MED27: variants seen among roughly 807,000 people sequenced by gnomAD.
MED27 encodes the protein mediator complex subunit 27, also known as mediator of RNA polymerase II transcription subunit 27.
In MED27, 30 loss-of-function variants were observed where a neutral mutation model predicts 38.2. That is an observed-to-expected ratio of 0.79 (90% CI 0.59 to 1.07). The LOEUF is 1.07. MED27 is among the 50% of genes least tolerant of loss of function. The probability of loss-of-function intolerance (pLI) is 0.00; values close to 1 mark genes in which losing one functional copy is unlikely to be tolerated. For synonymous variants in MED27, 122 were observed against 153.5 expected, an observed-to-expected ratio of 0.79 and a Z score of 1.52; for missense variants, 289 against 397.5, an observed-to-expected ratio of 0.73 and a Z score of 2.32.
intron 3 of MED27, among the ~76,000 whole-genome samples, chr9:131,983,580 T>A (rs1330334256): frequency 6.6e-6 from 1 of 152,238 alleles, no homozygotes; most frequent in Non-Finnish European, 1.5e-5. Context: ...TCATTAACAA[T>A]GAATATTTTT....
chr9:131,884,053 C>T lies in MED27; in HGVS notation c.723+5G>A, dbSNP rs928696422. On this transcript the variant is annotated splice_donor_5th_base_variant and intron_variant, in intron 6 of 7. Transcript: ENST00000292035. ...CTTGAGTAAGAAGCAAAAAGTAAAA[C>T]TTACCTTCTGGAATACTTGATAGTT... 1.2e-6 allele frequency: 2 copies of T among 1,611,928 alleles called. No individual in the cohort carries two copies. Among genetic ancestry groups the T allele is most frequent in the Admixed American group, 1.7e-5 (1 of 59,852 alleles).
chr9:131,990,780 C>T (rs1831955544), intron 3 of MED27, among the ~76,000 whole-genome samples: 1 of 152,194 alleles, frequency 6.6e-6, no homozygotes, highest in Non-Finnish European at 1.5e-5. Context: ...CTGAACTGCA[C>T]CTCCTGGAGG....
chr9:131,941,801 A>G (rs4740335), intron 3 of MED27, among the ~76,000 whole-genome samples: 146,387 of 146,688 alleles, frequency 1, 73,046 homozygotes, highest in East Asian at 1. Flanking sequence ...TTAAAGGCAA[A>G]GCCCCATTCT....
chr9:132,050,220 A>G (rs1833432901), intron 2 of MED27, among the ~76,000 whole-genome samples: 1 of 152,198 alleles, frequency 6.6e-6, no homozygotes, highest in Admixed American at 6.5e-5. Context: ...AATTGAGGAG[A>G]AAAGTTTGTT....
chr9:132,012,432 A>C (rs1282444898), intron 3 of MED27, among the ~76,000 whole-genome samples: 1 of 152,220 alleles, frequency 6.6e-6, no homozygotes, highest in Non-Finnish European at 1.5e-5. Context: ...AGCAACAGAC[A>C]CAAGCTACTT....
At chr9:131,905,797 T>C (rs1830051323) in intron 4 of MED27, among the ~76,000 whole-genome samples, 1 of 142,154 alleles carries the variant, frequency 7.0e-6, no homozygotes, top group African/African-American at 2.7e-5. Flanking sequence ...CTGCAGAACA[T>C]GGAAAAGAAC....
At chr9:132,035,559 G>A (rs974788625) in intron 2 of MED27, among the ~76,000 whole-genome samples, 13 of 152,174 alleles carry the variant, frequency 8.5e-5, no homozygotes, top group African/African-American at 3.1e-4. Flanking sequence ...GCTTTCCTGC[G>A]AAGGGACCAC....
chr9:131,919,506 AT>A (rs1564283296), intron 4 of MED27, among the ~76,000 whole-genome samples: 1 of 152,024 alleles, frequency 6.6e-6, no homozygotes, highest in Non-Finnish European at 1.5e-5. Flanking sequence ...TCAGACTGGG[AT>A]CCAAATTGTC....
At position 131,872,506 on chromosome 9, in the gene MED27, T is replaced by C. The variant is rs1245204068; in HGVS notation, c.724-9366A>G. 6.6e-6 allele frequency among the ~76,000 whole-genome samples: 1 copy of C among 152,152 alleles called. No individual in the cohort carries two copies. The highest frequency in any genetic ancestry group is 2.4e-5 in the African/African-American group (1 of 41,410). On this transcript the variant is annotated intron_variant, in intron 6 of 7. Transcript: ENST00000292035. The surrounding 1 kb of genome is among the most constrained non-coding windows in gnomAD (Gnocchi z 5.6). ...CCTCCAGCCAATATCGGCTTCTACG[T>C]ACTGTGAAGAGAAGATTCTCTTAGA...
Position 132,058,454 on chromosome 9 carries a change from T to C in MED27, c.348+18988A>G, listed in dbSNP as rs146149270. ...ATCTGATGGTATCATAAGGGGCTTTTCCCCCTTTGCTCAGCACTTCTCTCT... is the reference window on the plus strand; with the variant it reads ...ATCTGATGGTATCATAAGGGGCTTTCCCCCCTTTGCTCAGCACTTCTCTCT... On this transcript the variant is annotated intron_variant, in intron 2 of 7. Coordinates refer to ENST00000292035, the MANE Select transcript of MED27 (RefSeq NM_004269.4). Among the ~76,000 whole-genome samples, 790 of 151,904 alleles carry C rather than the reference T, an allele frequency of 5.2e-3. 14 individuals are homozygous for C. Among genetic ancestry groups the C allele is most frequent in the African/African-American group, 0.018 (730 of 41,408 alleles).
At chr9:132,073,659 A>G (rs999098935) in intron 2 of MED27, 3 of 1,485,284 alleles carry the variant, frequency 2.0e-6, no homozygotes, top group Non-Finnish European at 2.7e-6. Flanking sequence ...CTGGATTCTA[A>G]TAAGAACAGT....
At chr9:132,075,121 T>G (rs1415109750) in intron 2 of MED27, among the ~76,000 whole-genome samples, 1 of 152,256 alleles carries the variant, frequency 6.6e-6, no homozygotes, top group African/African-American at 2.4e-5. Context: ...TAATGTGAAT[T>G]GTTTCCAGGA....
chr9:131,950,041 T>C (rs1412208097), intron 3 of MED27, among the ~76,000 whole-genome samples: 3 of 152,076 alleles, frequency 2.0e-5, no homozygotes, highest in African/African-American at 7.2e-5. Context: ...ATCTTGTGGG[T>C]CCTAGTTTTC....
chr9:132,063,455 A>T (rs1364582202), intron 2 of MED27, among the ~76,000 whole-genome samples: 1 of 152,220 alleles, frequency 6.6e-6, no homozygotes, highest in Non-Finnish European at 1.5e-5. Context: ...GAGGTCCCCA[A>T]GTACAACGTT....
intron 2 of MED27, among the ~76,000 whole-genome samples, chr9:132,034,981 C>A (rs903981143): frequency 1.3e-5 from 2 of 152,170 alleles, no homozygotes; most frequent in African/African-American, 4.8e-5. Context: ...ACAGACACCC[C>A]CCTCAAATGA....
chr9:131,990,376 A>C (rs1831944997), intron 3 of MED27, among the ~76,000 whole-genome samples: 1 of 152,156 alleles, frequency 6.6e-6, no homozygotes, highest in Non-Finnish European at 1.5e-5. Flanking sequence ...TCTCTCTCTG[A>C]CCAACTCTGA....
intron 6 of MED27, among the ~76,000 whole-genome samples, chr9:131,874,670 C>A (rs1838897834): frequency 2.0e-5 from 3 of 152,100 alleles, no homozygotes; most frequent in Admixed American, 2.0e-4. Flanking sequence ...CGGCGTCTGC[C>A]GAAGGCCCTG....
intron 2 of MED27, among the ~76,000 whole-genome samples, chr9:132,059,609 G>A (rs893681733): frequency 1.3e-5 from 2 of 152,138 alleles, no homozygotes; most frequent in Admixed American, 6.5e-5. Flanking sequence ...GCTGAGCCGC[G>A]ACAGTGGAAG....
intron 2 of MED27, among the ~76,000 whole-genome samples, chr9:132,027,230 G>A (rs1832844028): frequency 6.6e-6 from 1 of 152,176 alleles, no homozygotes. Flanking sequence ...TTGTGCTCTG[G>A]TTACCCAGGT....
Sources: allele counts gnomAD v4.1 joint callset (sites outside exome capture counted in the v4.1 genomes callset), GRCh38; gene constraint gnomAD v4.1.1; non-coding constraint Gnocchi (gnomAD v3.1); transcripts MANE v1.5; gene names NCBI Gene and HGNC (gene_info 2026-07-23, HGNC 2026-07-21).